PKP2: variants seen among roughly 807,000 people sequenced by gnomAD.
PKP2 encodes plakophilin-2.
Under a neutral mutation model 83.4 loss-of-function variants are expected in PKP2, and 73 were observed. That is an observed-to-expected ratio of 0.88 (90% confidence interval 0.72 to 1.06). The LOEUF (loss-of-function observed/expected upper bound fraction) is 1.06, where lower values mean the gene tolerates loss of function less well. Ranked by LOEUF, PKP2 falls within the 50% of genes least tolerant of loss-of-function variation. PKP2 has a pLI of 0.00. For missense variants in PKP2, 966 were observed against 1,065.4 expected (o/e 0.91, Z 1.30); for synonymous variants, 409 against 430.4 (o/e 0.95, Z 0.62).
At chr12:32,810,043 T>G (rs1956263397) in intron 9 of PKP2, among the ~76,000 whole-genome samples, 1 of 152,218 alleles carries the variant, frequency 6.6e-6, no homozygotes. Context: ...TAGCTCTTAT[T>G]TTAGCAGTCT....
intron 9 of PKP2, among the ~76,000 whole-genome samples, chr12:32,819,536 GTACTT>G (rs1264849852): frequency 6.6e-6 from 1 of 151,894 alleles, no homozygotes; most frequent in East Asian, 1.9e-4. Context: ...ATTTTTCCTA[GTACTT>G]TAAATTTCTG....
At chr12:32,874,743 C>T (rs561191848) in intron 3 of PKP2, among the ~76,000 whole-genome samples, 56 of 152,032 alleles carry the variant, frequency 3.7e-4, no homozygotes, top group Non-Finnish European at 6.9e-4. Flanking sequence ...ACTCTTTCAC[C>T]ATATACTTAT....
At chr12:32,886,662 C>T (rs1382933289) in intron 1 of PKP2, among the ~76,000 whole-genome samples, 1 of 152,102 alleles carries the variant, frequency 6.6e-6, no homozygotes, top group African/African-American at 2.4e-5. Flanking sequence ...TAAGCATTTG[C>T]TTAGGCTGGA....
chr12:32,795,213 G>C lies in PKP2; in HGVS notation c.2357+896C>G, dbSNP rs146294348. The stretch of plus-strand genomic sequence containing the variant: ...TCCTTTTTTTTTTTAATAGGGAAAA[G>C]TTGAAAACAGGAACACAGATGTGGA... On this transcript the variant is annotated intron_variant, in intron 11 of 12. Transcript: ENST00000340811. Among the ~76,000 whole-genome samples the C allele has an allele frequency of 1.3e-4, 20 of 150,938 alleles. No homozygotes were observed. In the East Asian group the frequency reaches 3.9e-3, roughly 29 times the overall value.
intron 3 of PKP2, among the ~76,000 whole-genome samples, 164 bp downstream of exon 3, chr12:32,877,682 A>G (rs1956942985): frequency 6.6e-6 from 1 of 152,212 alleles, no homozygotes; most frequent in Non-Finnish European, 1.5e-5. Flanking sequence ...TGAGGTAAAT[A>G]GGCTGATCTG....
In PKP2 at chr12:32,876,044, G is replaced by A. The variant is rs142182350; in HGVS notation, c.1034+1802C>T. On this transcript the variant is annotated intron_variant, in intron 3 of 12. Coordinates refer to ENST00000340811, the MANE Select transcript of PKP2 (RefSeq NM_001005242.3). ...CTTTGAGCAGGCAGAAAGGGAGCAC[G>A]CAGAGAACACTAACAAAGAATGGCT... Among the ~76,000 whole-genome samples, 242 of 152,232 alleles carry A rather than the reference G, an allele frequency of 1.6e-3. 3 individuals carry two copies. The highest frequency in any genetic ancestry group is 5.4e-3 in the African/African-American group (226 of 41,524).
chr12:32,828,629 G>C (rs993811805), intron 6 of PKP2, among the ~76,000 whole-genome samples: 1 of 152,156 alleles, frequency 6.6e-6, no homozygotes, highest in Admixed American at 6.5e-5. Flanking sequence ...GATTGTTACA[G>C]GCTCTTCCAC....
intron 3 of PKP2, among the ~76,000 whole-genome samples, chr12:32,876,044 G>C (rs142182350): frequency 6.6e-6 from 1 of 152,114 alleles, no homozygotes; most frequent in Non-Finnish European, 1.5e-5. Context: ...AAGGGAGCAC[G>C]CAGAGAACAC....
chr12:32,856,216 G>A (rs929325715), intron 4 of PKP2, among the ~76,000 whole-genome samples: 5 of 152,144 alleles, frequency 3.3e-5, no homozygotes, highest in African/African-American at 4.8e-5. Context: ...ATAAGACCAC[G>A]TTAAGAAGGG....
chr12:32,872,781 GA>G (rs369201494), intron 3 of PKP2, among the ~76,000 whole-genome samples: 12 of 152,290 alleles, frequency 7.9e-5, no homozygotes, highest in Admixed American at 2.6e-4. Context: ...CAATGCTTTG[GA>G]AAGATGACTC....
At chr12:32,855,160 C>G (rs1278861744) in intron 4 of PKP2, among the ~76,000 whole-genome samples, 1 of 152,202 alleles carries the variant, frequency 6.6e-6, no homozygotes, top group African/African-American at 2.4e-5. Context: ...AATGAAGACA[C>G]AGACTAACAT....
chr12:32,854,205 G>A (rs920147311), intron 4 of PKP2, among the ~76,000 whole-genome samples: 9 of 152,156 alleles, frequency 5.9e-5, no homozygotes, highest in African/African-American at 1.9e-4. Flanking sequence ...GTAAGAAGTG[G>A]CATACGGAAG....
intron 6 of PKP2, among the ~76,000 whole-genome samples, chr12:32,826,244 T>G (rs7959085): frequency 0.13 from 18,693 of 146,256 alleles, 1,319 homozygotes; most frequent in African/African-American, 0.2. Flanking sequence ...AGGTGGAGCT[T>G]GCAGTGAGCC....
chr12:32,824,267 G>T, intron 6 of PKP2, 105 bp from the exon 7 acceptor site: 1 of 819,318 alleles, frequency 1.2e-6, no homozygotes, highest in Non-Finnish European at 2.1e-6. Context: ...TTGGAAACTG[G>T]CAAATTTGTA....
chr12:32,807,291 T>C (rs1369882129), intron 9 of PKP2, among the ~76,000 whole-genome samples: 1 of 152,180 alleles, frequency 6.6e-6, no homozygotes, highest in Non-Finnish European at 1.5e-5. Context: ...ATGCCCTTCT[T>C]TGTCTTTTTT....
At chr12:32,889,507 G>A (rs1957058943) in intron 1 of PKP2, among the ~76,000 whole-genome samples, 1 of 152,192 alleles carries the variant, frequency 6.6e-6, no homozygotes, top group African/African-American at 2.4e-5. Context: ...GCACAGTCTT[G>A]TATCAGTACT....
chr12:32,849,347 G>A (rs1956676712), intron 5 of PKP2, among the ~76,000 whole-genome samples: 1 of 152,150 alleles, frequency 6.6e-6, no homozygotes, highest in South Asian at 2.1e-4. Flanking sequence ...CTCCTGAATA[G>A]CTGAGACTAC....
intron 4 of PKP2, among the ~76,000 whole-genome samples, chr12:32,865,306 C>T (rs1270722755): frequency 3.5e-5 from 5 of 142,142 alleles, no homozygotes; most frequent in African/African-American, 1.1e-4. Context: ...AGCCAGAAGG[C>T]GGAGGTTGCA....
intron 9 of PKP2, 59 bp downstream of exon 9, chr12:32,821,297 T>G: frequency 1.5e-6 from 2 of 1,376,414 alleles, no homozygotes; most frequent in Non-Finnish European, 1.0e-6. Flanking sequence ...CTGAATTGAA[T>G]GTAGGTATGT....
Sources: gnomAD v4.1 joint callset for allele counts (sites outside exome capture counted in the v4.1 genomes callset) on GRCh38, gnomAD v4.1.1 for gene constraint, MANE v1.5 for transcripts, NCBI Gene and HGNC (gene_info 2026-07-23, HGNC 2026-07-21) for gene names.